SLC14A2: variants seen among roughly 807,000 people sequenced by gnomAD.
SLC14A2 encodes the protein solute carrier family 14 member 2, also known as urea transporter 2.
SLC14A2 carries 91 observed loss-of-function variants against 104.6 expected under a neutral mutation model. The ratio of observed to expected loss-of-function variants is 0.87; its 90% CI spans 0.73 to 1.04. SLC14A2 has a LOEUF of 1.04. Among genes scored for constraint, SLC14A2 ranks in the 50% least tolerant of loss-of-function variants. The pLI is 0.00. For synonymous variants in SLC14A2, 476 were observed against 466.4 expected (o/e 1.02, Z -0.27); for missense variants, 1,189 against 1,156.0 (o/e 1.03, Z -0.41).
the SLC14A2 span, among the ~76,000 whole-genome samples, chr18:45,194,846 G>A: frequency 2.6e-5 from 4 of 151,842 alleles, no homozygotes; most frequent in East Asian, 5.8e-4. Context: ...GGGTTTCACC[G>A]TGTTAGCCAG....
intron 1 of SLC14A2, chr18:45,447,650 T>G (rs1472021114): frequency 6.6e-6 from 1 of 152,178 alleles, no homozygotes; most frequent in Non-Finnish European, 1.5e-5. Flanking sequence ...AGCTATAAAC[T>G]GAGGATTTTA....
At chr18:45,431,799 G>A (rs1372194051) in intron 1 of SLC14A2, among the ~76,000 whole-genome samples, 5 of 152,212 alleles carry the variant, frequency 3.3e-5, no homozygotes, top group Non-Finnish European at 7.3e-5. Flanking sequence ...GCTTTGCAAG[G>A]GGCCCATGGT....
At chr18:45,226,163 G>A (rs1240986964) in intron 1 of SLC14A2, among the ~76,000 whole-genome samples, 1 of 152,142 alleles carries the variant, frequency 6.6e-6, no homozygotes, top group Non-Finnish European at 1.5e-5. Context: ...AAAAAGTCAG[G>A]AAACAACAGG....
rs559249441 is a variant in SLC14A2 at position 45,676,510 on chromosome 18, G to A, written c.2513-2465G>A. Among the ~76,000 whole-genome samples, 73 of 151,914 alleles carry A rather than the reference G, an allele frequency of 4.8e-4. 1 individual carries two copies. The highest frequency in any genetic ancestry group is 9.1e-4 in the Non-Finnish European group (62 of 68,012). Reference sequence around the variant, plus strand: ...GCCCAATTTATGTCAGATGTTACACGGGTGGTTTTCAACCAGGGGTAATTT... The same window carrying A: ...GCCCAATTTATGTCAGATGTTACACAGGTGGTTTTCAACCAGGGGTAATTT... On this transcript the variant is annotated intron_variant, in intron 18 of 19. Coordinates refer to ENST00000255226, the MANE Select transcript of SLC14A2 (RefSeq NM_007163.4).
chr18:45,400,182 G>GT (rs1446245611), intron 1 of SLC14A2, among the ~76,000 whole-genome samples: 9 of 152,226 alleles, frequency 5.9e-5, no homozygotes, highest in East Asian at 5.8e-4. Context: ...CTCCATTGAT[G>GT]TTTTTTTACA....
chr18:45,336,068 G>C (rs1275298651), intron 1 of SLC14A2, among the ~76,000 whole-genome samples: 1 of 152,138 alleles, frequency 6.6e-6, no homozygotes, highest in South Asian at 2.1e-4. Flanking sequence ...TTTTAACGTG[G>C]CTGTTTTTGG....
chr18:45,208,585 G>A (rs977950495), upstream of SLC14A2, among the ~76,000 whole-genome samples: 2 of 152,212 alleles, frequency 1.3e-5, no homozygotes, highest in African/African-American at 4.8e-5. Flanking sequence ...GTGTGCCCTG[G>A]CTAGGGATCA....
At chr18:45,552,437 C>G (rs139623285) in intron 2 of SLC14A2, among the ~76,000 whole-genome samples, 87 of 152,208 alleles carry the variant, frequency 5.7e-4, no homozygotes, top group Middle Eastern at 3.4e-3. Flanking sequence ...CTCCCACCCC[C>G]CAACCCCCGT....
At chr18:45,533,420 G>A (rs1255461701) in intron 2 of SLC14A2, among the ~76,000 whole-genome samples, 3 of 152,182 alleles carry the variant, frequency 2.0e-5, no homozygotes, top group African/African-American at 7.2e-5. Flanking sequence ...TCCTGGTTTA[G>A]TCTTGGGAGA....
Position 45,682,599 on chromosome 18 carries a change from C to A in SLC14A2, c.*80C>A. On this transcript the variant is annotated 3_prime_UTR_variant, in exon 20 of 20. Coordinates refer to ENST00000255226, the MANE Select transcript of SLC14A2 (RefSeq NM_007163.4). ...ATCCCCAGGATAAGAGACCACTTAG[C>A]CTTCCCTTTGGTCTGTTCTGTGACT... 3 of 1,193,740 alleles carry A rather than the reference C, an allele frequency of 2.5e-6. No homozygotes were observed. Among genetic ancestry groups the A allele is most frequent in the Non-Finnish European group, 3.7e-6 (3 of 800,528 alleles). The allele number at this position is 1,193,740 out of a possible 1,614,324, so 73.9% of individuals were successfully genotyped here.
At chr18:45,641,460 T>A in intron 8 of SLC14A2, 117 bp downstream of exon 8, 1 of 1,192,638 alleles carries the variant, frequency 8.4e-7, no homozygotes, top group South Asian at 1.4e-5. Context: ...GAAAGGCCAA[T>A]GGCTTGCGTC....
intron 7 of SLC14A2, among the ~76,000 whole-genome samples, chr18:45,640,723 A>G (rs190223522): frequency 2.0e-4 from 30 of 152,352 alleles, no homozygotes; most frequent in African/African-American, 7.0e-4. Flanking sequence ...TAAAAATATG[A>G]GGCATCTGTA....
chr18:45,193,102 A>C, the SLC14A2 span, among the ~76,000 whole-genome samples: 1 of 152,112 alleles, frequency 6.6e-6, no homozygotes, highest in East Asian at 1.9e-4. Context: ...TTATTTTATT[A>C]TGTTTTGAGA....
At chr18:45,460,846 G>T (rs2087032789) in intron 1 of SLC14A2, among the ~76,000 whole-genome samples, 1 of 152,102 alleles carries the variant, frequency 6.6e-6, no homozygotes, top group Admixed American at 6.5e-5. Context: ...GATTTTATTG[G>T]CTTCTGCCTC....
intron 7 of SLC14A2, 68 bp downstream of exon 7, chr18:45,639,961 C>A: frequency 7.1e-7 from 1 of 1,404,232 alleles, no homozygotes; most frequent in Non-Finnish European, 9.8e-7. Flanking sequence ...CCCCTACATA[C>A]AGCAAATCTT....
chr18:45,427,615 A>G (rs1021066192), intron 1 of SLC14A2, among the ~76,000 whole-genome samples: 3 of 152,168 alleles, frequency 2.0e-5, no homozygotes, highest in African/African-American at 7.2e-5. Context: ...TGTGACCAGG[A>G]AAGTCCCTTA....
chr18:45,318,917 C>T (rs187226144), intron 1 of SLC14A2, among the ~76,000 whole-genome samples: 40 of 152,224 alleles, frequency 2.6e-4, no homozygotes, highest in Non-Finnish European at 4.4e-4. Context: ...TTCGGAGCCA[C>T]GCCTGAGCTC....
intron 1 of SLC14A2, among the ~76,000 whole-genome samples, chr18:45,617,377 C>T (rs1007903094): frequency 6.6e-6 from 1 of 152,150 alleles, no homozygotes; most frequent in African/African-American, 2.4e-5. Flanking sequence ...CATCTCTAAC[C>T]CCAGCCAGTC....
chr18:45,387,420 G>C (rs2144400346), intron 1 of SLC14A2, among the ~76,000 whole-genome samples: 1 of 152,262 alleles, frequency 6.6e-6, no homozygotes. Flanking sequence ...AGATATTTAT[G>C]AGAATGACTG....
Sources: allele counts gnomAD v4.1 joint callset (sites outside exome capture counted in the v4.1 genomes callset), GRCh38; gene constraint gnomAD v4.1.1; transcripts MANE v1.5; gene names NCBI Gene and HGNC (gene_info 2026-07-23, HGNC 2026-07-21).